The following GPC5 variants were observed in gnomAD, a reference collection of about 807,000 sequenced individuals.
GPC5 encodes the protein glypican 5.
A neutral mutation model predicts 53.9 loss-of-function variants in GPC5; 47 were observed. That is an observed-to-expected ratio of 0.87 (90% CI 0.69 to 1.11). The LOEUF (loss-of-function observed/expected upper bound fraction) is 1.11. Ranked by LOEUF, GPC5 falls within the 50% of genes most tolerant of loss-of-function variation. The pLI, the probability that GPC5 is intolerant of heterozygous loss-of-function variation, is 0.00. For missense variants in GPC5, 748 were observed against 713.1 expected (o/e 1.05, Z -0.56); for synonymous variants, 286 against 263.3 (o/e 1.09, Z -0.84).
intron 4 of GPC5, among the ~76,000 whole-genome samples, chr13:91,731,729 T>C (rs1384729698): frequency 6.6e-6 from 1 of 152,102 alleles, no homozygotes; most frequent in Non-Finnish European, 1.5e-5. Context: ...CCCCTCCCTA[T>C]ATACATGTGT....
chr13:92,310,516 T>C (rs2043138422), intron 7 of GPC5, among the ~76,000 whole-genome samples: 2 of 152,218 alleles, frequency 1.3e-5, no homozygotes, highest in Admixed American at 1.3e-4. Context: ...GTTTAATTGT[T>C]GCATTGCATT....
At chr13:91,844,911 T>A (rs752964868) in intron 5 of GPC5, among the ~76,000 whole-genome samples, 12 of 152,214 alleles carry the variant, frequency 7.9e-5, no homozygotes, top group Middle Eastern at 3.4e-3. Context: ...TGTGTATTTT[T>A]AAGTTAATTT....
Position 92,306,034 on chromosome 13 carries a change from C to T in GPC5, c.1561+161045C>T, listed in dbSNP as rs988596543. Among the ~76,000 whole-genome samples, 47 of 152,126 alleles carry T rather than the reference C, an allele frequency of 3.1e-4. 2 individuals are homozygous for T. Among genetic ancestry groups the T allele is most frequent in the Admixed American group, 2.1e-3 (32 of 15,266 alleles). On this transcript the variant is annotated intron_variant, in intron 7 of 7. Transcript: ENST00000377067. ...AAGTACGTGGACTGAGAAGAGCAAA[C>T]GAGCTGGACTTATCCATTAAGTCCA...
At chr13:92,398,298 G>A (rs1450243660) in intron 7 of GPC5, among the ~76,000 whole-genome samples, 5 of 148,852 alleles carry the variant, frequency 3.4e-5, no homozygotes, top group African/African-American at 7.4e-5. Context: ...GCGTAGTGGC[G>A]GGCGCCTGTA....
At chr13:91,950,266 GTTTTT>G (rs35957614) in intron 6 of GPC5, among the ~76,000 whole-genome samples, 1 of 122,634 alleles carries the variant, frequency 8.2e-6, no homozygotes, top group African/African-American at 3.1e-5. Flanking sequence ...AAACTGCCAA[GTTTTT>G]TTTTTTTTTT....
At chr13:91,563,753 T>C (rs2031396185) in intron 2 of GPC5, among the ~76,000 whole-genome samples, 1 of 152,112 alleles carries the variant, frequency 6.6e-6, no homozygotes, top group African/African-American at 2.4e-5. Flanking sequence ...TTTGCCTCCC[T>C]TCCCTCCTCA....
intron 5 of GPC5, among the ~76,000 whole-genome samples, chr13:91,775,998 C>T (rs898299461): frequency 6.6e-6 from 1 of 152,210 alleles, no homozygotes; most frequent in Non-Finnish European, 1.5e-5. Flanking sequence ...AAATTTCTTT[C>T]CCATCTTTGT....
intron 6 of GPC5, among the ~76,000 whole-genome samples, chr13:92,020,567 C>T (rs546086308): frequency 7.9e-5 from 12 of 152,002 alleles, no homozygotes; most frequent in African/African-American, 2.9e-4. Context: ...ATTAGTGACA[C>T]TGAGCATTCT....
chr13:92,205,715 G>A (rs1182016896), intron 7 of GPC5, among the ~76,000 whole-genome samples: 3 of 152,034 alleles, frequency 2.0e-5, no homozygotes, highest in South Asian at 2.1e-4. Context: ...TATACCTAAC[G>A]TTTGGAGGAG....
intron 2 of GPC5, among the ~76,000 whole-genome samples, chr13:91,506,716 T>A (rs1158317493): frequency 1.0e-5 from 1 of 96,646 alleles, no homozygotes; most frequent in Non-Finnish European, 2.9e-5. Context: ...AAAATATTTT[T>A]AAACATATTT....
At chr13:91,449,057 C>T in intron 2 of GPC5, 135 bp downstream of exon 2, 2 of 985,002 alleles carry the variant, frequency 2.0e-6, no homozygotes. Context: ...GAGGTTTTAA[C>T]TTTTTCTAGC....
intron 7 of GPC5, among the ~76,000 whole-genome samples, chr13:92,843,662 G>A (rs1380390273): frequency 6.6e-6 from 1 of 152,086 alleles, no homozygotes; most frequent in Non-Finnish European, 1.5e-5. Flanking sequence ...TCTAAAAAGA[G>A]AAAGGTTTCG....
intron 5 of GPC5, among the ~76,000 whole-genome samples, chr13:91,833,431 C>CACA (rs1047318352): frequency 6.6e-6 from 1 of 151,960 alleles, no homozygotes; most frequent in Non-Finnish European, 1.5e-5. Flanking sequence ...CTGGCAAAGG[C>CACA]ACAACAACAA....
intron 5 of GPC5, among the ~76,000 whole-genome samples, chr13:91,844,015 A>C (rs1240340747): frequency 6.6e-6 from 1 of 152,168 alleles, no homozygotes; most frequent in East Asian, 1.9e-4. Context: ...ATGGGAAAAT[A>C]ATGTATATTT....
intron 7 of GPC5, among the ~76,000 whole-genome samples, chr13:92,155,471 A>G (rs2041937179): frequency 6.6e-6 from 1 of 151,960 alleles, no homozygotes; most frequent in African/African-American, 2.4e-5. Context: ...TACTTTTTCA[A>G]TATGTAATTT....
chr13:92,860,730 C>T (rs943711092), intron 7 of GPC5, among the ~76,000 whole-genome samples: 1 of 151,970 alleles, frequency 6.6e-6, no homozygotes, highest in Non-Finnish European at 1.5e-5. Flanking sequence ...AGTCAGTTTC[C>T]TCATAATGAA....
intron 7 of GPC5, among the ~76,000 whole-genome samples, chr13:92,219,035 G>A (rs1001466691): frequency 1.3e-5 from 2 of 152,094 alleles, no homozygotes; most frequent in African/African-American, 4.8e-5. Context: ...CATGACTATT[G>A]ATTTTAATCA....
At chr13:91,431,627 A>T (rs1879455607) in intron 1 of GPC5, among the ~76,000 whole-genome samples, 3 of 152,184 alleles carry the variant, frequency 2.0e-5, no homozygotes, top group South Asian at 2.1e-4. Context: ...AGGTGAAAAA[A>T]TCCAATTGGT....
At chr13:92,591,277 C>T (rs1204589006) in intron 7 of GPC5, among the ~76,000 whole-genome samples, 1 of 152,032 alleles carries the variant, frequency 6.6e-6, no homozygotes, top group Non-Finnish European at 1.5e-5. Context: ...TGACTGGGTA[C>T]ATTGACTGGG....
Sources: allele counts gnomAD v4.1 joint callset (sites outside exome capture counted in the v4.1 genomes callset), GRCh38; gene constraint gnomAD v4.1.1; transcripts MANE v1.5; gene names NCBI Gene and HGNC (gene_info 2026-07-23, HGNC 2026-07-21).